SFR1: variants seen among roughly 807,000 people sequenced by gnomAD.
The protein encoded by SFR1 is swi5-dependent recombination DNA repair protein 1 homolog.
SFR1 carries 24 observed loss-of-function variants against 26.2 expected under a neutral mutation model. The observed-to-expected ratio is 0.92, with a 90% CI of 0.66 to 1.29. The LOEUF (loss-of-function observed/expected upper bound fraction) is 1.29, where lower values mean the gene tolerates loss of function less well. Among genes scored for constraint, SFR1 ranks in the 50% most tolerant of loss-of-function variants. The pLI, the probability that SFR1 is intolerant of heterozygous loss-of-function variation, is 0.00. For synonymous variants in SFR1, 77 were observed against 96.6 expected, an observed-to-expected ratio of 0.80 and a Z score of 1.19; for missense variants, 276 against 270.2, an observed-to-expected ratio of 1.02 and a Z score of -0.15.
chr10:104,122,785 C>T, intron 1 of SFR1, 180 bp from the exon 2 acceptor site: 4 of 1,515,738 alleles, frequency 2.6e-6, no homozygotes, highest in Non-Finnish European at 3.5e-6. Flanking sequence ...TTAGTGGTCC[C>T]TATGTGGGAA....
At position 104,125,519 on chromosome 10, in the gene SFR1, C is replaced by T. The variant is rs2087015970; in HGVS notation, c.553C>T (p.Leu185=). Residue 185 remains leucine (L), a synonymous_variant, in exon 4 of 4, where the codon CTG becomes TTG. Transcript: ENST00000369727. The part of the protein sequence containing the change: ...LVKMYRSKND[L]SQLQLLIKKW... ...GTTTTTTTTTCTGTTTCAGAATGAT[C>T]TGTCTCAGTTACAGTTGTTAATAAA... 1 of 1,604,210 alleles carries T rather than the reference C, an allele frequency of 6.2e-7. No individual in the cohort carries two copies. Among genetic ancestry groups the T allele is most frequent in the Non-Finnish European group, 8.5e-7 (1 of 1,177,048 alleles).
chr10:104,124,691 C>A lies in SFR1; in HGVS notation c.546+567C>A, dbSNP rs374958317. 2.6e-5 allele frequency among the ~76,000 whole-genome samples: 4 copies of A among 151,910 alleles called. No individual in the cohort carries two copies. The South Asian group carries it at 8.3e-4, about 31-fold the overall frequency. The stretch of plus-strand genomic sequence containing the variant: ...GCAATAGCTCATTTTCCCTGAATTA[C>A]GTGGAATAAGTGATGGGATAGTGTA... On this transcript the variant is annotated intron_variant, in intron 3 of 3. Coordinates refer to ENST00000369727, the MANE Select transcript of SFR1 (RefSeq NM_001002759.2).
At chr10:104,120,260 T>C (rs1190137119), upstream of SFR1, among the ~76,000 whole-genome samples, 1 of 152,202 alleles carries the variant, frequency 6.6e-6, no homozygotes, top group East Asian at 1.9e-4. Context: ...GATTAACTGA[T>C]GCCAATGGAT....
At chr10:104,121,374 G>A (rs927405475), upstream of SFR1, among the ~76,000 whole-genome samples, 4 of 152,134 alleles carry the variant, frequency 2.6e-5, no homozygotes, top group South Asian at 6.2e-4. Context: ...CGGGACCGCC[G>A]AGTTTGCGGC....
chr10:104,124,267 C>G, intron 3 of SFR1, 143 bp downstream of exon 3: 1 of 701,062 alleles, frequency 1.4e-6, no homozygotes, highest in Non-Finnish European at 2.2e-6. Flanking sequence ...AGCTTTAATT[C>G]AACTCCAGAT....
At chr10:104,121,423 G>A (rs1160229666), upstream of SFR1, among the ~76,000 whole-genome samples, 3 of 152,152 alleles carry the variant, frequency 2.0e-5, no homozygotes, top group Non-Finnish European at 2.9e-5. Flanking sequence ...TAAAGTGCCG[G>A]GACTCTCGGA....
Position 104,125,674 on chromosome 10 carries a change from C to T in SFR1, c.708C>T (p.Asn236=). ...TAGATGATAAATTACTACACTATAA[C>T]AGAAGTGAAGAAGAATTTATAGATG... ...YGLDDKLLHY[N]RSEEEFIDV The change falls in exon 4 of 4, where the codon AAC becomes AAT. Residue 236 remains asparagine, a synonymous_variant. Coordinates refer to ENST00000369727, the MANE Select transcript of SFR1 (RefSeq NM_001002759.2). 6.2e-7 allele frequency: 1 copy of T among 1,600,954 alleles called. No individual in the cohort carries two copies. The highest frequency in any genetic ancestry group is 8.5e-7 in the Non-Finnish European group (1 of 1,173,198).
intron 2 of SFR1, chr10:104,123,389 C>G (rs1418432495): frequency 3.4e-5 from 13 of 381,788 alleles, no homozygotes; most frequent in Middle Eastern, 1.4e-3. Context: ...GTGGCAGAGT[C>G]TAGGTCTTTT....
chr10:104,125,108 AAATATTTTTAACTTGAAT>A (rs1300758262), intron 3 of SFR1, among the ~76,000 whole-genome samples: 1 of 152,176 alleles, frequency 6.6e-6, no homozygotes, highest in Non-Finnish European at 1.5e-5. Context: ...CAGCCTAAAA[AAATATTTTTAACTTGAAT>A]ATTGTAATTT....
At chr10:104,121,091 A>G (rs893711195), upstream of SFR1, among the ~76,000 whole-genome samples, 7 of 142,286 alleles carry the variant, frequency 4.9e-5, no homozygotes, top group South Asian at 2.2e-4. Context: ...GAACCTCGCC[A>G]TACTGGAAGC....
intron 3 of SFR1, 25 bp from the exon 4 acceptor site, chr10:104,125,488 A>G: frequency 6.3e-7 from 1 of 1,575,402 alleles, no homozygotes. Flanking sequence ...AGTTATTGAC[A>G]TACATGTTTT....
rs539884354 is a variant in SFR1 at position 104,124,194 on chromosome 10, A to T, written c.546+70A>T. ...AAATTACAGGAAAGTAATTTCAAAA[A>T]TAGAATTTTTTTTTTTACCATAATA... is the stretch of plus-strand genomic sequence containing the variant. On this transcript the variant is annotated intron_variant, in intron 3 of 3. Transcript: ENST00000369727. 1,352 of 1,370,572 alleles carry T rather than the reference A, an allele frequency of 9.9e-4. 2 individuals are homozygous for T. Among genetic ancestry groups the T allele is most frequent in the Non-Finnish European group, 1.1e-3 (1,166 of 1,039,046 alleles). The allele number at this position is 1,370,572 out of a possible 1,614,324, so 84.9% of individuals were successfully genotyped here.
intron 1 of SFR1, 132 bp downstream of exon 1, chr10:104,122,328 C>G: frequency 7.2e-7 from 1 of 1,397,950 alleles, no homozygotes; most frequent in Non-Finnish European, 9.3e-7. Context: ...CTCCGGGGAA[C>G]TAGTGGGCTT....
intron 3 of SFR1, among the ~76,000 whole-genome samples, chr10:104,124,833 G>C (rs2087008453): frequency 6.6e-6 from 1 of 152,126 alleles, no homozygotes; most frequent in South Asian, 2.1e-4. Context: ...CATGGTCTCT[G>C]TTGCCCAGCC....
chr10:104,121,413 T>A (rs56684609), upstream of SFR1, among the ~76,000 whole-genome samples: 40,832 of 152,112 alleles, frequency 0.27, 8,227 homozygotes, highest in African/African-American at 0.57. Context: ...TGAGCTCAGC[T>A]AAAGTGCCGG....
chr10:104,121,862 C>G (rs1260376479), upstream of SFR1, among the ~76,000 whole-genome samples: 11 of 152,338 alleles, frequency 7.2e-5, no homozygotes, highest in South Asian at 2.1e-4. Context: ...TCGCCCGCCC[C>G]GAAGACCTGC....
chr10:104,124,165 A>T, intron 3 of SFR1, 41 bp downstream of exon 3: 1 of 1,434,668 alleles, frequency 7.0e-7, no homozygotes, highest in Non-Finnish European at 9.2e-7. Context: ...TTTTATTTTT[A>T]CATAAATTAC....
upstream of SFR1, chr10:104,122,102 T>C (rs1419290237): frequency 2.0e-6 from 3 of 1,508,858 alleles, no homozygotes; most frequent in Non-Finnish European, 2.7e-6. Context: ...TGCGCATCTT[T>C]TCCGCCTACC....
intron 2 of SFR1, 103 bp downstream of exon 2, chr10:104,123,189 T>A: frequency 1.1e-6 from 1 of 913,452 alleles, no homozygotes; most frequent in Non-Finnish European, 1.6e-6. Flanking sequence ...ACATAATGTG[T>A]AGCATAAATA....
Sources: gnomAD v4.1 joint callset for allele counts (sites outside exome capture counted in the v4.1 genomes callset) on GRCh38, gnomAD v4.1.1 for gene constraint, MANE v1.5 for transcripts, NCBI Gene and HGNC (gene_info 2026-07-23, HGNC 2026-07-21) for gene names.